Variants in CCSER1 observed in about 807,000 individuals in gnomAD.
CCSER1 encodes the protein coiled-coil serine rich protein 1.
Under a neutral mutation model 82.0 loss-of-function variants are expected in CCSER1, and 41 were observed. The observed-to-expected ratio is 0.50, with a 90% confidence interval of 0.39 to 0.65. CCSER1 has a LOEUF of 0.65. Ranked by LOEUF, CCSER1 falls within the 30% of genes least tolerant of loss-of-function variation. The pLI is 0.00. For synonymous variants in CCSER1, 414 were observed against 383.9 expected (o/e 1.08, Z -0.92); for missense variants, 1,119 against 1,064.2 (o/e 1.05, Z -0.72).
intron 10 of CCSER1, among the ~76,000 whole-genome samples, chr4:91,271,855 AG>A (rs541645340): frequency 1.3e-4 from 20 of 152,204 alleles, no homozygotes; most frequent in African/African-American, 4.6e-4. Context: ...CCTGGGTTCA[AG>A]TGATTCTCCT....
At chr4:91,464,338 G>T (rs1756721621) in intron 10 of CCSER1, among the ~76,000 whole-genome samples, 2 of 152,102 alleles carry the variant, frequency 1.3e-5, no homozygotes, top group Admixed American at 1.3e-4. Flanking sequence ...TGCCCTACAA[G>T]AGCTCCTAAA....
chr4:91,422,142 C>A (rs1411388700), intron 10 of CCSER1, among the ~76,000 whole-genome samples: 1 of 152,026 alleles, frequency 6.6e-6, no homozygotes, highest in Non-Finnish European at 1.5e-5. Flanking sequence ...ATGATGGACT[C>A]CTGACATTCA....
At chr4:91,144,656 G>T in intron 10 of CCSER1, among the ~76,000 whole-genome samples, 1 of 148,822 alleles carries the variant, frequency 6.7e-6, no homozygotes, top group African/African-American at 2.5e-5. Context: ...TTGGTATATT[G>T]TGTCTTTGTT....
At chr4:90,716,702 C>T (rs920508849) in intron 6 of CCSER1, among the ~76,000 whole-genome samples, 11 of 152,104 alleles carry the variant, frequency 7.2e-5, no homozygotes, top group South Asian at 2.1e-4. Flanking sequence ...GAGAGCAATA[C>T]GCTAAACCAT....
chr4:91,001,645 C>G (rs890589376), intron 9 of CCSER1, among the ~76,000 whole-genome samples: 1 of 152,062 alleles, frequency 6.6e-6, no homozygotes, highest in Non-Finnish European at 1.5e-5. Context: ...TTATTTGAGT[C>G]CCTACGTGTT....
chr4:91,586,476 A>G (rs980824996), intron 10 of CCSER1, among the ~76,000 whole-genome samples: 2 of 151,664 alleles, frequency 1.3e-5, no homozygotes, highest in African/African-American at 4.8e-5. Context: ...GAGAAACAGG[A>G]GAGGCACCAG....
At chr4:90,453,102 TG>T (rs1761698774) in intron 4 of CCSER1, among the ~76,000 whole-genome samples, 1 of 151,988 alleles carries the variant, frequency 6.6e-6, no homozygotes, top group Admixed American at 6.6e-5. Flanking sequence ...CTCAAACAGG[TG>T]GGGGCTGTCT....
intron 9 of CCSER1, among the ~76,000 whole-genome samples, chr4:90,948,894 G>A (rs1310580667): frequency 2.0e-5 from 3 of 151,852 alleles, no homozygotes; most frequent in Non-Finnish European, 4.4e-5. Flanking sequence ...ATAATACCAC[G>A]TACTGACCAA....
At chr4:91,558,654 T>C (rs1762513436) in intron 10 of CCSER1, among the ~76,000 whole-genome samples, 1 of 151,544 alleles carries the variant, frequency 6.6e-6, no homozygotes, top group Non-Finnish European at 1.5e-5. Flanking sequence ...TGAAAGACAT[T>C]TCTTACATGG....
intron 9 of CCSER1, among the ~76,000 whole-genome samples, chr4:90,984,744 TAAAA>T (rs1450712444): frequency 1.3e-5 from 2 of 151,706 alleles, no homozygotes; most frequent in Admixed American, 1.3e-4. Flanking sequence ...AAAAGTAAAA[TAAAA>T]CTATTATATC....
intron 9 of CCSER1, among the ~76,000 whole-genome samples, chr4:90,997,380 A>G (rs1040184463): frequency 1.3e-5 from 2 of 152,076 alleles, no homozygotes; most frequent in African/African-American, 2.4e-5. Flanking sequence ...CCGTTCTGTT[A>G]TAAGTATTCT....
chr4:90,181,532 A>C (rs558806886), intron 1 of CCSER1, among the ~76,000 whole-genome samples: 60 of 152,280 alleles, frequency 3.9e-4, no homozygotes, highest in South Asian at 8.3e-4. Context: ...TAAAAATAAT[A>C]TTTAAGAAAG....
intron 10 of CCSER1, among the ~76,000 whole-genome samples, chr4:91,430,825 A>G (rs770492482): frequency 3.3e-5 from 5 of 152,208 alleles, no homozygotes; most frequent in African/African-American, 4.8e-5. Flanking sequence ...TCTACATACC[A>G]CGACTTTTTA....
chr4:90,992,704 C>G (rs1211266593), intron 9 of CCSER1, among the ~76,000 whole-genome samples: 2 of 151,970 alleles, frequency 1.3e-5, no homozygotes, highest in Non-Finnish European at 2.9e-5. Flanking sequence ...CAATTACTTG[C>G]TGGCTGTTCA....
At chr4:91,439,760 T>C (rs942986577) in intron 10 of CCSER1, among the ~76,000 whole-genome samples, 6 of 151,684 alleles carry the variant, frequency 4.0e-5, no homozygotes, top group Non-Finnish European at 8.8e-5. Context: ...AATAAAAGGA[T>C]GGAGGAAGAT....
chr4:90,750,616 T>A (rs1459541442), intron 7 of CCSER1, among the ~76,000 whole-genome samples: 2 of 152,170 alleles, frequency 1.3e-5, no homozygotes, highest in Admixed American at 1.3e-4. Context: ...CTTAAAATGC[T>A]CCTCTCTTTA....
chr4:90,636,795 C>T (rs1485372671), intron 6 of CCSER1, among the ~76,000 whole-genome samples: 9 of 152,202 alleles, frequency 5.9e-5, no homozygotes, highest in East Asian at 3.9e-4. Context: ...CCACTCACCA[C>T]GTTTGCTGTA....
intron 10 of CCSER1, among the ~76,000 whole-genome samples, chr4:91,303,645 AT>A (rs1744833181): frequency 6.6e-6 from 1 of 151,786 alleles, no homozygotes; most frequent in South Asian, 2.1e-4. Flanking sequence ...AATAATAATA[AT>A]TAGCTAGGTG....
At chr4:90,972,446 A>T (rs1735200947) in intron 9 of CCSER1, among the ~76,000 whole-genome samples, 1 of 151,848 alleles carries the variant, frequency 6.6e-6, no homozygotes, top group Non-Finnish European at 1.5e-5. Context: ...AATAAAAAAA[A>T]CTTAAGAATA....
Sources: gnomAD v4.1 joint callset for allele counts (sites outside exome capture counted in the v4.1 genomes callset) on GRCh38, gnomAD v4.1.1 for gene constraint, MANE v1.5 for transcripts, NCBI Gene and HGNC (gene_info 2026-07-23, HGNC 2026-07-21) for gene names.